Variants in GLG1 observed in about 807,000 individuals in gnomAD.
The protein encoded by GLG1 is golgi glycoprotein 1, also known as Golgi apparatus protein 1.
GLG1 carries 38 observed loss-of-function variants against 160.5 expected under a neutral mutation model. The ratio of observed to expected loss-of-function variants is 0.24; its 90% CI spans 0.18 to 0.31. The LOEUF is 0.31. Ranked by LOEUF, GLG1 falls within the 10% of genes least tolerant of loss-of-function variation. The pLI, the probability that GLG1 is intolerant of heterozygous loss-of-function variation, is 1.00. For missense variants in GLG1, 1,373 were observed against 1,505.2 expected (o/e 0.91, Z 1.45); for synonymous variants, 644 against 543.4 (o/e 1.19, Z -2.57).
At chr16:74,499,913 G>T (rs1333686065) in intron 4 of GLG1, among the ~76,000 whole-genome samples, 1 of 152,190 alleles carries the variant, frequency 6.6e-6, no homozygotes, top group Non-Finnish European at 1.5e-5. Context: ...TGAGGCAGGA[G>T]AATGGCATGA....
intron 2 of GLG1, among the ~76,000 whole-genome samples, chr16:74,524,209 A>C (rs908259203): frequency 6.6e-6 from 1 of 151,876 alleles, no homozygotes; most frequent in African/African-American, 2.4e-5. Context: ...ACTTCATCTC[A>C]AAACAAAAAA....
At chr16:74,600,614 C>G (rs777774109) in intron 1 of GLG1, among the ~76,000 whole-genome samples, 5 of 151,562 alleles carry the variant, frequency 3.3e-5, no homozygotes, top group Non-Finnish European at 2.9e-5. Context: ...TGTCTGCAGT[C>G]CCAGCTACTC....
At chr16:74,586,292 T>A (rs1021546207) in intron 1 of GLG1, among the ~76,000 whole-genome samples, 1 of 152,070 alleles carries the variant, frequency 6.6e-6, no homozygotes, top group Non-Finnish European at 1.5e-5. Context: ...CAACCACTGA[T>A]ATTTTTGGGT....
chr16:74,514,256 C>G (rs977756918), intron 2 of GLG1, among the ~76,000 whole-genome samples: 2 of 152,194 alleles, frequency 1.3e-5, no homozygotes, highest in Non-Finnish European at 1.5e-5. Flanking sequence ...CCTAGCAAGG[C>G]AGGCCAACAT....
intron 1 of GLG1, among the ~76,000 whole-genome samples, chr16:74,581,484 C>G (rs1383670218): frequency 7.0e-6 from 1 of 142,340 alleles, no homozygotes; most frequent in African/African-American, 2.6e-5. Context: ...GCCAGGGACT[C>G]TGGAATGGGA....
Position 74,480,409 on chromosome 16 carries a change from G to A in GLG1, c.1674-15C>T. On this transcript the variant is annotated splice_polypyrimidine_tract_variant and intron_variant, in intron 10 of 25. Coordinates refer to ENST00000422840, the MANE Select transcript of GLG1 (RefSeq NM_001145667.2). ...CAGGGTCCAGCCTATAAGGTTAAGA[G>A]TTAAAAGATAACCACTAATTAATAG... 6.3e-7 allele frequency: 1 copy of A among 1,586,866 alleles called. No homozygotes were observed. The highest frequency in any genetic ancestry group is 1.1e-5 in the South Asian group (1 of 88,338).
intron 6 of GLG1, 50 bp from the exon 7 acceptor site, chr16:74,493,190 T>C (rs376093385): frequency 7.8e-7 from 1 of 1,289,494 alleles, no homozygotes; most frequent in South Asian, 1.3e-5. Context: ...GTAACTTTAC[T>C]GTTGACGTGT....
chr16:74,488,257 A>G (rs936156449), intron 8 of GLG1, among the ~76,000 whole-genome samples: 6 of 152,132 alleles, frequency 3.9e-5, no homozygotes, highest in Non-Finnish European at 8.8e-5. Flanking sequence ...GAAAGAAAAA[A>G]GGGGCCAGGA....
chr16:74,527,245 C>CTTTTTTT lies in GLG1; in HGVS notation c.471+4869_471+4875dup, dbSNP rs71158522. 1.1e-3 allele frequency among the ~76,000 whole-genome samples: 94 copies of CTTTTTTT among 83,054 alleles called. 2 individuals carry two copies. Among genetic ancestry groups the CTTTTTTT allele is most frequent in the Non-Finnish European group, 1.5e-3 (64 of 43,208 alleles). 54.5% of individuals were successfully genotyped at this position (83,054 alleles called of 152,430 possible). ...GTTATTGTTTTGGCTTAAGTCAGTT[C>CTTTTTTT]TTTTTTTTTTTTTTTTTTTTTGAGA... On this transcript the variant is annotated intron_variant, in intron 2 of 25. Transcript: ENST00000422840.
intron 5 of GLG1, 50 bp from the exon 6 acceptor site, chr16:74,494,881 C>T (rs2016130181): frequency 1.1e-6 from 1 of 892,752 alleles, no homozygotes; most frequent in Non-Finnish European, 1.9e-6. Flanking sequence ...AATAGTTATG[C>T]TGAACATTAT....
chr16:74,573,333 ATT>A (rs1033386097), intron 1 of GLG1, among the ~76,000 whole-genome samples: 3 of 152,166 alleles, frequency 2.0e-5, no homozygotes, highest in Non-Finnish European at 4.4e-5. Flanking sequence ...GGGTAAATAT[ATT>A]TTTTTTAAAA....
intron 9 of GLG1, among the ~76,000 whole-genome samples, chr16:74,483,948 C>T (rs1184974982): frequency 6.6e-6 from 1 of 152,110 alleles, no homozygotes; most frequent in Non-Finnish European, 1.5e-5. Flanking sequence ...CGTGAGCCAC[C>T]GTGCCCGGCC....
chr16:74,460,022 A>ATTT (rs372902114), intron 22 of GLG1, among the ~76,000 whole-genome samples: 1 of 128,930 alleles, frequency 7.8e-6, no homozygotes, highest in Non-Finnish European at 1.7e-5. Flanking sequence ...TGCCTGGCTG[A>ATTT]TTTTTTTTTT....
At chr16:74,511,584 TTA>T (rs373841023) in intron 2 of GLG1, among the ~76,000 whole-genome samples, 20,263 of 86,618 alleles carry the variant, frequency 0.23, 1,482 homozygotes, top group Middle Eastern at 0.29. Flanking sequence ...CCTTTTTTTT[TTA>T]AAAAAAAAAA....
chr16:74,488,824 G>A (rs1007281081), intron 8 of GLG1, among the ~76,000 whole-genome samples: 1 of 151,946 alleles, frequency 6.6e-6, no homozygotes, highest in Non-Finnish European at 1.5e-5. Flanking sequence ...TCACCATGTT[G>A]GCCAGGCTGG....
At chr16:74,601,708 T>TAATTAA (rs1958444319) in intron 1 of GLG1, among the ~76,000 whole-genome samples, 1 of 152,234 alleles carries the variant, frequency 6.6e-6, no homozygotes, top group Non-Finnish European at 1.5e-5. Flanking sequence ...CGTTGGGTGA[T>TAATTAA]AACGCATTTG....
At chr16:74,456,813 C>T in intron 24 of GLG1, 58 bp from the exon 25 acceptor site, 1 of 1,074,144 alleles carries the variant, frequency 9.3e-7, no homozygotes, top group Non-Finnish European at 1.4e-6. Flanking sequence ...AGAGAAATTT[C>T]TGTAAAGATG....
chr16:74,600,618 G>A (rs1958419587), intron 1 of GLG1, among the ~76,000 whole-genome samples: 1 of 151,438 alleles, frequency 6.6e-6, no homozygotes, highest in Non-Finnish European at 1.5e-5. Flanking sequence ...TGCAGTCCCA[G>A]CTACTCGGGA....
At chr16:74,508,036 G>A (rs1033318881) in intron 3 of GLG1, among the ~76,000 whole-genome samples, 2 of 152,026 alleles carry the variant, frequency 1.3e-5, no homozygotes, top group African/African-American at 4.8e-5. Context: ...AACTGATCTA[G>A]TATTAGAAAG....
Sources: allele counts gnomAD v4.1 joint callset (sites outside exome capture counted in the v4.1 genomes callset), GRCh38; gene constraint gnomAD v4.1.1; transcripts MANE v1.5; gene names NCBI Gene and HGNC (gene_info 2026-07-23, HGNC 2026-07-21).